SLC4A11: variants seen among roughly 807,000 people sequenced by gnomAD.
SLC4A11 encodes the protein solute carrier family 4 member 11.
SLC4A11 carries 74 observed loss-of-function variants against 95.0 expected under a neutral mutation model. The observed-to-expected ratio is 0.78, with a 90% confidence interval of 0.65 to 0.95. The LOEUF is 0.95. Among genes scored for constraint, SLC4A11 ranks in the 40% least tolerant of loss-of-function variants. The probability of loss-of-function intolerance (pLI) is 0.00; values close to 1 mark genes in which losing one functional copy is unlikely to be tolerated. For missense variants in SLC4A11, 1,081 were observed against 1,192.4 expected, an observed-to-expected ratio of 0.91 and a Z score of 1.38; for synonymous variants, 548 against 519.0, an observed-to-expected ratio of 1.06 and a Z score of -0.76.
At chr20:3,235,631 G>A (rs193278723) in intron 2 of SLC4A11, among the ~76,000 whole-genome samples, 4 of 152,194 alleles carry the variant, frequency 2.6e-5, no homozygotes, top group Non-Finnish European at 5.9e-5. Context: ...GACCCCAGAG[G>A]TGAGAGCCTG....
intron 2 of SLC4A11, among the ~76,000 whole-genome samples, chr20:3,235,333 A>T (rs1304606486): frequency 6.6e-6 from 1 of 151,504 alleles, no homozygotes; most frequent in Admixed American, 6.6e-5. Flanking sequence ...ACACACACAC[A>T]CACACACACA....
chr20:3,228,499 G>A lies in SLC4A11; in HGVS notation c.2388+13C>T. Reference sequence around the variant, plus strand: ...CCCACCCACGCCACTCCCTCGCAGGGCCAAGCGCTCACCTGCTCCTTGAGC... The same window carrying A: ...CCCACCCACGCCACTCCCTCGCAGGACCAAGCGCTCACCTGCTCCTTGAGC... On this transcript the variant is annotated intron_variant, in intron 18 of 19. Coordinates refer to ENST00000642402, the MANE Select transcript of SLC4A11 (RefSeq NM_001174089.2). 1 of 1,612,972 alleles carries A rather than the reference G, an allele frequency of 6.2e-7. No homozygotes were observed. The highest frequency in any genetic ancestry group is 8.5e-7 in the Non-Finnish European group (1 of 1,179,924).
At chr20:3,233,060 C>A (rs563037540) in intron 7 of SLC4A11, among the ~76,000 whole-genome samples, 2 of 152,310 alleles carry the variant, frequency 1.3e-5, no homozygotes, top group African/African-American at 4.8e-5. Context: ...TGGGAGGGGT[C>A]CTGGCAATCA....
Position 3,227,434 on chromosome 20 carries a change from G to A in SLC4A11, c.*353C>T, listed in dbSNP as rs548367489. ...GTGGCACATAGGAGCCTAGAAACAG[G>A]AGCTTTATTCTCTAATGTGCGTCCA... On this transcript the variant is annotated 3_prime_UTR_variant, in exon 20 of 20. Transcript: ENST00000642402. 1 of 314,694 alleles carries A rather than the reference G, an allele frequency of 3.2e-6. No individual in the cohort carries two copies. The highest frequency in any genetic ancestry group is 2.1e-5 in the African/African-American group (1 of 47,100). The allele number at this position is 314,694 out of a possible 1,614,324, so 19.5% of individuals were successfully genotyped here. A position where few individuals can be genotyped will look rare whatever the true frequency, so the allele number is the denominator to read the frequency against.
intron 1 of SLC4A11, chr20:3,238,172 G>A (rs2068048170): frequency 2.1e-6 from 3 of 1,441,558 alleles, no homozygotes; most frequent in South Asian, 1.5e-5. Context: ...GGAAGCCAGA[G>A]CCGTTGGTCC....
In SLC4A11 at chr20:3,231,553, G is replaced by A; in HGVS notation, c.730-5C>T. ...CATCGCAGTCTTAGTGCTTTTCTAG[G>A]GGTGGAGGATGGGAGTCACCCCTAG... On this transcript the variant is annotated splice_region_variant and splice_polypyrimidine_tract_variant and intron_variant, in intron 7 of 19. Transcript: ENST00000642402. This position sits in a 1 kb window ranked among gnomAD's most constrained non-coding sequence, Gnocchi z 5.2. 6.2e-7 allele frequency: 1 copy of A among 1,609,930 alleles called. No homozygotes were observed. Among genetic ancestry groups the A allele is most frequent in the African/African-American group, 1.4e-5 (1 of 73,004 alleles).
Position 3,228,599 on chromosome 20 carries a change from C to A in SLC4A11, c.2301G>T (p.Val767=). 6.2e-7 allele frequency: 1 copy of A among 1,613,324 alleles called. No homozygotes were observed. The highest frequency in any genetic ancestry group is 8.5e-7 in the Non-Finnish European group (1 of 1,179,972). The part of the protein sequence containing the change: ...PVPLQWIPKP[V]LYGLFLYIAL... ...CGATGTAGAGGAAGAGGCCATAGAG[C>A]ACGGGCTTGGGGATCCACTGAAGCG... Residue 767 remains valine (V), a synonymous_variant, in exon 18 of 20, where the codon GTG becomes GTT. Transcript: ENST00000642402.
rs575173509 is a variant in SLC4A11, at chr20:3,237,149, G to A, written c.88+395C>T. 2.7e-3 allele frequency among the ~76,000 whole-genome samples: 409 copies of A among 152,314 alleles called. 2 individuals are homozygous for A. The highest frequency in any genetic ancestry group is 8.5e-3 in the African/African-American group (353 of 41,556). On this transcript the variant is annotated intron_variant, in intron 2 of 19. Coordinates refer to ENST00000642402, the MANE Select transcript of SLC4A11 (RefSeq NM_001174089.2). Reference sequence around the variant, plus strand: ...GCAGGGACAGCAGGAAGGTGCCCGAGGGACTGCAGCACAGAGGCCTTATAT... The same window carrying A: ...GCAGGGACAGCAGGAAGGTGCCCGAAGGACTGCAGCACAGAGGCCTTATAT...
chr20:3,231,617 T>G lies in SLC4A11; in HGVS notation c.730-69A>C. 1 of 1,453,054 alleles carries G rather than the reference T, an allele frequency of 6.9e-7. No homozygotes were observed. Among genetic ancestry groups the G allele is most frequent in the East Asian group, 2.3e-5 (1 of 43,952 alleles). 90.0% of individuals were successfully genotyped at this position (1,453,054 alleles called of 1,614,324 possible). A position where few individuals can be genotyped will look rare whatever the true frequency, so the allele number is the denominator to read the frequency against. On this transcript the variant is annotated intron_variant, in intron 7 of 19. Coordinates refer to ENST00000642402, the MANE Select transcript of SLC4A11 (RefSeq NM_001174089.2). The surrounding 1 kb of genome is among the most constrained non-coding windows in gnomAD (Gnocchi z 5.2). The stretch of plus-strand genomic sequence containing the variant: ...CCTGCCCGGGCCGAGCAGGTGAAGG[T>G]GCTCTCCCCATGAACTGGCAGCAGG...
rs754497072 is a variant in SLC4A11, at chr20:3,230,484, G to T, written c.1415+31C>A. ...GCTGAACCAGATCCCAAGCCTTGAG[G>T]GTCCCAGCAGCTCACGGAAGGGCCA... On this transcript the variant is annotated intron_variant, in intron 12 of 19. Transcript: ENST00000642402. 65 of 1,613,316 alleles carry T rather than the reference G, an allele frequency of 4.0e-5. No individual in the cohort carries two copies. The South Asian group carries it at 5.7e-4, about 14-fold the overall frequency.
Position 3,228,351 on chromosome 20 carries a change from A to C in SLC4A11, c.2466T>G (p.Leu822=), listed in dbSNP as rs1163898502. Residue 822 remains leucine, a synonymous_variant, in exon 19 of 20, where the codon CTT becomes CTG. Transcript: ENST00000642402. ...KIHYFTGLQV[L]QLLLLCAFGM... is the part of the protein sequence containing the mutation. ...CGAAGGCACACAGCAGCAGCAGCTG[A>C]AGCACCTGCAGGCCCGTGAAGTAGT... The C allele has an allele frequency of 1.9e-6, 3 of 1,613,128 alleles. No homozygotes were observed. The highest frequency in any genetic ancestry group is 2.5e-6 in the Non-Finnish European group (3 of 1,179,972).
At position 3,230,575 on chromosome 20, in the gene SLC4A11, C is replaced by G. The variant is rs761059922; in HGVS notation, c.1355G>C (p.Ser452Thr). ...SFYAWTGLWN[S>T]FFLALYAFFN... ...AAAGGCATAAAGCGCAAGGAAGAAA[C>G]TATTCCACAGGCCCGTCCATGCGTA... Residue 452 changes from serine (S) to threonine (T), a missense_variant, in exon 12 of 20, where the codon AGT becomes ACT. Coordinates refer to ENST00000642402, the MANE Select transcript of SLC4A11 (RefSeq NM_001174089.2). 1.7e-5 allele frequency: 27 copies of G among 1,613,814 alleles called. No homozygotes were observed. The highest frequency in any genetic ancestry group is 2.2e-5 in the Non-Finnish European group (26 of 1,180,028).
intron 1 of SLC4A11, 187 bp from the exon 2 acceptor site, chr20:3,237,775 C>A: frequency 6.2e-7 from 1 of 1,610,084 alleles, no homozygotes; most frequent in South Asian, 1.1e-5. Context: ...CAGGGGAAGC[C>A]AGCCTTAATC....
intron 2 of SLC4A11, among the ~76,000 whole-genome samples, chr20:3,237,333 C>A (rs1452955049): frequency 5.9e-5 from 9 of 151,512 alleles, no homozygotes; most frequent in African/African-American, 2.2e-4. Context: ...GTCCAAGTAG[C>A]CCAGGAGAAT....
chr20:3,228,144 C>CCCCCCCCCCCCCA, intron 19 of SLC4A11, 115 bp downstream of exon 19: 1 of 718,214 alleles, frequency 1.4e-6, no homozygotes, highest in Non-Finnish European at 2.4e-6. Context: ...GCACCCACCC[C>CCCCCCCCCCCCCA]AACCCGCCCA....
intron 1 of SLC4A11, 97 bp from the exon 2 acceptor site, chr20:3,237,685 C>A: frequency 1.2e-6 from 2 of 1,614,102 alleles, no homozygotes; most frequent in African/African-American, 2.7e-5. Flanking sequence ...CTCATTCCTT[C>A]GCTCTTCCGA....
intron 1 of SLC4A11, 89 bp from the exon 2 acceptor site, chr20:3,237,677 C>T: frequency 6.2e-7 from 1 of 1,614,096 alleles, no homozygotes. Context: ...CGACCTGGCT[C>T]ATTCCTTCGC....
At position 3,234,743 on chromosome 20, in the gene SLC4A11, A is replaced by G; in HGVS notation, c.240T>C (p.Thr80=). Residue 80 remains threonine, a splice_region_variant and synonymous_variant, in exon 3 of 20, where the codon ACT becomes ACC. Transcript: ENST00000642402. The surrounding 1 kb of genome is among the most constrained non-coding windows in gnomAD (Gnocchi z 5.8). Reference sequence around the variant, plus strand: ...CTGCCCCTGCTGCAGCCCCCATACCAGTGTTGGTGGCCTGCATCTCAAGGT... The same window carrying G: ...CTGCCCCTGCTGCAGCCCCCATACCGGTGTTGGTGGCCTGCATCTCAAGGT... The part of the protein sequence containing the change: ...NVNLEMQATN[T]ENEATSGGCV... The G allele has an allele frequency of 6.2e-7, 1 of 1,613,712 alleles. No individual in the cohort carries two copies. Among genetic ancestry groups the G allele is most frequent in the Non-Finnish European group, 8.5e-7 (1 of 1,179,984 alleles).
intron 18 of SLC4A11, 37 bp from the exon 19 acceptor site, chr20:3,228,465 G>A: frequency 6.2e-7 from 1 of 1,612,976 alleles, no homozygotes; most frequent in Middle Eastern, 1.7e-4. Context: ...GCAGGCATGG[G>A]GCTGTGTCCC....
Sources: allele counts gnomAD v4.1 joint callset (sites outside exome capture counted in the v4.1 genomes callset), GRCh38; gene constraint gnomAD v4.1.1; non-coding constraint Gnocchi (gnomAD v3.1); transcripts MANE v1.5; gene names NCBI Gene and HGNC (gene_info 2026-07-23, HGNC 2026-07-21).